Variants in COPE observed in about 807,000 individuals in gnomAD.
COPE encodes the protein coat protein complex I subunit epsilon, also known as coatomer subunit epsilon.
In COPE, 19 loss-of-function variants were observed where a neutral mutation model predicts 42.1. The ratio of observed to expected loss-of-function variants is 0.45; its 90% CI spans 0.31 to 0.66. The LOEUF is 0.66. Ranked by LOEUF, COPE falls within the 30% of genes least tolerant of loss-of-function variation. The pLI, the probability that COPE is intolerant of heterozygous loss-of-function variation, is 0.05. For synonymous variants in COPE, 195 were observed against 181.3 expected (o/e 1.08, Z -0.60); for missense variants, 402 against 416.1 (o/e 0.97, Z 0.30).
intron 4 of COPE, chr19:18,906,012 A>G (rs2056756022): frequency 4.7e-6 from 2 of 425,600 alleles, no homozygotes; most frequent in South Asian, 1.4e-4. Context: ...CCTGCAGCAG[A>G]GCCCTGGGGC....
intron 7 of COPE, among the ~76,000 whole-genome samples, chr19:18,902,238 C>T (rs922765519): frequency 1.3e-5 from 2 of 150,338 alleles, no homozygotes; most frequent in African/African-American, 4.9e-5. Context: ...AATCCTAATG[C>T]TTTGGGAGGC....
In COPE at chr19:18,919,303, C is replaced by T. The variant is rs201231121; in HGVS notation, c.46G>A (p.Val16Ile). The T allele has an allele frequency of 6.2e-6, 10 of 1,613,724 alleles. No individual in the cohort carries two copies. The highest frequency in any genetic ancestry group is 4.0e-5 in the African/African-American group (3 of 74,956). The part of the protein sequence containing the change: ...PGPASGGSGE[V>I]DELFDVKNAF... ...TTCTTTACGTCGAACAGCTCGTCTA[C>T]CTCCCCGGAGCCGCCGGAGGCCGGG... Residue 16 changes from valine to isoleucine, a missense_variant, in exon 1 of 10, where the codon GTA becomes ATA. Physicochemically the swap from Val to Ile is conservative, Grantham distance 29. Transcript: ENST00000262812.
At chr19:18,910,431 A>T (rs908073253) in intron 3 of COPE, 12 of 155,180 alleles carry the variant, frequency 7.7e-5, no homozygotes, top group African/African-American at 2.9e-4. Context: ...GCTAAAATAC[A>T]AAAATTAGCT....
intron 6 of COPE, 45 bp downstream of exon 6, chr19:18,904,726 G>A (rs1030956570): frequency 5.3e-6 from 8 of 1,518,540 alleles, no homozygotes; most frequent in Admixed American, 2.0e-5. Context: ...ACCCTGCTCA[G>A]CCAGGTGCCC....
chr19:18,910,471 G>C (rs2056799004), intron 3 of COPE: 1 of 162,088 alleles, frequency 6.2e-6, no homozygotes, highest in African/African-American at 2.4e-5. Flanking sequence ...TATAGTCGTA[G>C]CTACTCAGGA....
At chr19:18,905,482 T>C (rs1773482805) in intron 5 of COPE, 94 bp downstream of exon 5, 1 of 1,263,630 alleles carries the variant, frequency 7.9e-7, no homozygotes, top group Admixed American at 2.7e-5. Context: ...ACAAGAGTAA[T>C]GACAGCACCA....
intron 4 of COPE, chr19:18,906,206 G>T: frequency 2.9e-6 from 1 of 350,646 alleles, no homozygotes; most frequent in Non-Finnish European, 5.1e-6. Context: ...TTTTTTGTGT[G>T]TGAGTCAGGG....
chr19:18,904,661 C>T (rs1214343667), intron 6 of COPE, 110 bp downstream of exon 6: 2 of 945,528 alleles, frequency 2.1e-6, no homozygotes, highest in South Asian at 1.5e-5. Context: ...ACGGCCTGAT[C>T]CTGGAGCCCC....
At chr19:18,900,099 A>G (rs1217112127) in intron 8 of COPE, 152 bp from the exon 9 acceptor site, 27 of 449,004 alleles carry the variant, frequency 6.0e-5, no homozygotes, top group Admixed American at 2.2e-4. Flanking sequence ...GAGAACCTTC[A>G]GGGTGGGGGT....
chr19:18,903,022 G>A (rs2056723583), intron 7 of COPE, among the ~76,000 whole-genome samples: 1 of 151,924 alleles, frequency 6.6e-6, no homozygotes, highest in Admixed American at 6.6e-5. Flanking sequence ...GTGACAACAA[G>A]GACGGCTCAG....
chr19:18,917,241 C>CTTTTTTTTTT (rs531312180), intron 1 of COPE, among the ~76,000 whole-genome samples: 16 of 110,662 alleles, frequency 1.4e-4, no homozygotes, highest in Admixed American at 2.0e-4. Flanking sequence ...TTCTTTTTTT[C>CTTTTTTTTTT]TTTTTTTTTT....
chr19:18,900,909 AG>A (rs1477620079), intron 7 of COPE, among the ~76,000 whole-genome samples: 1 of 152,222 alleles, frequency 6.6e-6, no homozygotes, highest in Non-Finnish European at 1.5e-5. Context: ...GGAAACATCT[AG>A]GCCAGGAGAC....
intron 2 of COPE, 85 bp downstream of exon 2, chr19:18,912,899 C>T (rs2056823220): frequency 1.5e-6 from 2 of 1,366,462 alleles, no homozygotes; most frequent in Non-Finnish European, 1.0e-6. Context: ...CTGTCCCCGC[C>T]ACCCACTCTG....
intron 3 of COPE, among the ~76,000 whole-genome samples, chr19:18,909,839 A>T (rs1426881984): frequency 6.6e-6 from 1 of 152,088 alleles, no homozygotes; most frequent in East Asian, 1.9e-4. Flanking sequence ...AAAGGACACA[A>T]GTCCTTGGCT....
chr19:18,908,212 T>C (rs1262563722), intron 3 of COPE, among the ~76,000 whole-genome samples: 3 of 152,136 alleles, frequency 2.0e-5, no homozygotes, highest in Admixed American at 2.0e-4. Flanking sequence ...CAGGATCGCT[T>C]AAGCCCAGGA....
In COPE at chr19:18,905,644, G is replaced by A. The variant is rs770429909; in HGVS notation, c.444-15C>T. 2.6e-5 allele frequency: 42 copies of A among 1,588,438 alleles called. No homozygotes were observed. The highest frequency in any genetic ancestry group is 1.2e-4 in the Admixed American group (7 of 57,334). On this transcript the variant is annotated splice_polypyrimidine_tract_variant and intron_variant, in intron 4 of 9. Transcript: ENST00000262812. ...TCATGGCTGTGCTGCAGGACAGGGC[G>A]AGGGGGCGGTCAGCGGGTCGCCACA...
intron 1 of COPE, among the ~76,000 whole-genome samples, chr19:18,917,241 C>CT (rs531312180): frequency 0.035 from 3,925 of 110,614 alleles, 142 homozygotes; most frequent in African/African-American, 0.099. Context: ...TTCTTTTTTT[C>CT]TTTTTTTTTT....
chr19:18,913,630 C>G (rs1008560705), intron 1 of COPE, among the ~76,000 whole-genome samples: 3 of 152,182 alleles, frequency 2.0e-5, no homozygotes, highest in African/African-American at 7.2e-5. Context: ...CAGAACACAG[C>G]TTTGCATGCT....
intron 7 of COPE, among the ~76,000 whole-genome samples, chr19:18,902,467 C>CCTCA (rs1160094243): frequency 6.7e-6 from 1 of 150,346 alleles, no homozygotes; most frequent in South Asian, 2.1e-4. Flanking sequence ...GAGTTTGAGA[C>CCTCA]CAGCCTGACC....
Sources: allele counts gnomAD v4.1 joint callset (sites outside exome capture counted in the v4.1 genomes callset), GRCh38; gene constraint gnomAD v4.1.1; transcripts MANE v1.5; gene names NCBI Gene and HGNC (gene_info 2026-07-23, HGNC 2026-07-21).